The following POFUT3 variants were observed in gnomAD, a reference collection of about 807,000 sequenced individuals.
POFUT3 encodes the protein protein O-fucosyltransferase 3.
At chr8:33,358,334 A>C in the POFUT3 span, among the ~76,000 whole-genome samples, 1 of 152,240 alleles carries the variant, frequency 6.6e-6, no homozygotes, top group African/African-American at 2.4e-5. Context: ...TCAGTGTCAT[A>C]AAAGACCAAA....
At chr8:33,381,359 T>C in the POFUT3 span, among the ~76,000 whole-genome samples, 1 of 152,162 alleles carries the variant, frequency 6.6e-6, no homozygotes, top group Admixed American at 6.5e-5. Context: ...TACTTTATCA[T>C]TCTAACTTAA....
the POFUT3 span, among the ~76,000 whole-genome samples, chr8:33,431,543 G>C: frequency 4.1e-5 from 2 of 49,262 alleles, no homozygotes; most frequent in African/African-American, 6.9e-5. Flanking sequence ...GCAAGACCCT[G>C]TCTCAAAAAA....
chr8:33,378,637 G>A, the POFUT3 span, among the ~76,000 whole-genome samples: 4 of 152,152 alleles, frequency 2.6e-5, no homozygotes. Flanking sequence ...TTTGCTGGTG[G>A]GGAGAAGCAA....
At chr8:33,428,824 C>G in the POFUT3 span, among the ~76,000 whole-genome samples, 3 of 152,194 alleles carry the variant, frequency 2.0e-5, no homozygotes, top group African/African-American at 7.2e-5. Flanking sequence ...AGAAGGACCT[C>G]GCCAAGTGAT....
chr8:33,392,695 C>T, the POFUT3 span, among the ~76,000 whole-genome samples: 3 of 151,156 alleles, frequency 2.0e-5, no homozygotes, highest in Non-Finnish European at 1.5e-5. Flanking sequence ...AGAACCATGA[C>T]CAACCTGGCC....
the POFUT3 span, among the ~76,000 whole-genome samples, chr8:33,378,507 C>T: frequency 1.5e-4 from 23 of 152,086 alleles, no homozygotes; most frequent in Admixed American, 9.8e-4. Flanking sequence ...GAGGCAAGGA[C>T]ACTGGAAAAG....
At chr8:33,411,603 C>T in the POFUT3 span, among the ~76,000 whole-genome samples, 12 of 152,212 alleles carry the variant, frequency 7.9e-5, no homozygotes, top group East Asian at 1.9e-4. Flanking sequence ...GCCTGGCCAA[C>T]GTGGTGAAAC....
chr8:33,414,615 G>C, the POFUT3 span, among the ~76,000 whole-genome samples: 1 of 151,946 alleles, frequency 6.6e-6, no homozygotes, highest in Non-Finnish European at 1.5e-5. Flanking sequence ...TCTGTCTGTT[G>C]TCCATCATTC....
the POFUT3 span, among the ~76,000 whole-genome samples, chr8:33,403,198 C>T: frequency 1.3e-5 from 2 of 151,924 alleles, no homozygotes; most frequent in Non-Finnish European, 2.9e-5. Flanking sequence ...AATCATCACC[C>T]GTATTCCCAA....
At chr8:33,380,215 CTATATATATATATACTA>C in the POFUT3 span, among the ~76,000 whole-genome samples, 92 of 35,586 alleles carry the variant, frequency 2.6e-3, 6 homozygotes, top group African/African-American at 0.013. Flanking sequence ...TATATATATA[CTATATATATATATACTA>C]TATATATATA....
At chr8:33,428,967 G>T in the POFUT3 span, among the ~76,000 whole-genome samples, 2 of 152,104 alleles carry the variant, frequency 1.3e-5, no homozygotes, top group African/African-American at 2.4e-5. Context: ...TAATCCTATT[G>T]CCACTGCTCT....
chr8:33,404,337 C>CAAAAAAA, the POFUT3 span, among the ~76,000 whole-genome samples: 2 of 110,928 alleles, frequency 1.8e-5, no homozygotes, highest in Admixed American at 9.6e-5. Context: ...GGCTCTGTCT[C>CAAAAAAA]AAAAAAAAAA....
the POFUT3 span, among the ~76,000 whole-genome samples, chr8:33,398,123 T>C: frequency 6.6e-6 from 1 of 152,168 alleles, no homozygotes; most frequent in Non-Finnish European, 1.5e-5. Context: ...TTCTGACTGG[T>C]CAAAGAGTTT....
the POFUT3 span, among the ~76,000 whole-genome samples, chr8:33,326,180 T>C: frequency 6.6e-6 from 1 of 152,156 alleles, no homozygotes; most frequent in African/African-American, 2.4e-5. Context: ...CAGAGGGTCT[T>C]TCATCCTCAG....
At chr8:33,319,541 A>AATATATATTTTATATATATT in the POFUT3 span, among the ~76,000 whole-genome samples, 1 of 266 alleles carries the variant, frequency 3.8e-3, no homozygotes, top group Non-Finnish European at 6.8e-3. Flanking sequence ...TATTTATATA[A>AATATATATTTTATATATATT]TATATAAATA....
At chr8:33,385,636 C>G in the POFUT3 span, among the ~76,000 whole-genome samples, 1 of 152,110 alleles carries the variant, frequency 6.6e-6, no homozygotes, top group South Asian at 2.1e-4. Flanking sequence ...AATCCTGGCA[C>G]TTTGGGAGGC....
the POFUT3 span, among the ~76,000 whole-genome samples, chr8:33,368,274 A>G: frequency 6.6e-6 from 1 of 152,144 alleles, no homozygotes; most frequent in Non-Finnish European, 1.5e-5. Flanking sequence ...TGTTAAGTCC[A>G]ATGACTCGAG....
the POFUT3 span, chr8:33,461,726 C>A: frequency 7.7e-7 from 1 of 1,294,572 alleles, no homozygotes; most frequent in Non-Finnish European, 1.0e-6. Flanking sequence ...CAAAAAAATT[C>A]TGCAACAAAA....
the POFUT3 span, among the ~76,000 whole-genome samples, chr8:33,404,183 C>A: frequency 6.6e-6 from 1 of 151,958 alleles, no homozygotes; most frequent in Admixed American, 6.6e-5. Context: ...ACTAAAAATA[C>A]AAAAATTACT....
Sources: allele counts gnomAD v4.1 joint callset (sites outside exome capture counted in the v4.1 genomes callset), GRCh38; gene constraint gnomAD v4.1.1; transcripts MANE v1.5; gene names NCBI Gene and HGNC (gene_info 2026-07-23, HGNC 2026-07-21).